Variants in SNTG1 observed in about 807,000 individuals in gnomAD.
The protein encoded by SNTG1 is gamma-1-syntrophin.
SNTG1 carries 39 observed loss-of-function variants against 74.7 expected under a neutral mutation model. The ratio of observed to expected loss-of-function variants is 0.52; its 90% CI spans 0.40 to 0.68. The LOEUF (loss-of-function observed/expected upper bound fraction) is 0.68, where lower values mean the gene tolerates loss of function less well. Among genes scored for constraint, SNTG1 ranks in the 30% least tolerant of loss-of-function variants. SNTG1 has a pLI of 0.00. For synonymous variants in SNTG1, 254 were observed against 217.1 expected (o/e 1.17, Z -1.49); for missense variants, 685 against 609.5 (o/e 1.12, Z -1.30).
chr8:50,454,189 A>G (rs892825305), intron 8 of SNTG1, among the ~76,000 whole-genome samples: 3 of 152,110 alleles, frequency 2.0e-5, no homozygotes, highest in African/African-American at 7.2e-5. Flanking sequence ...TAACAAGTAA[A>G]CTGATCACAT....
chr8:50,452,463 G>C (rs1463550952), intron 8 of SNTG1, among the ~76,000 whole-genome samples: 1 of 152,196 alleles, frequency 6.6e-6, no homozygotes, highest in Non-Finnish European at 1.5e-5. Flanking sequence ...TACCCAGGGA[G>C]TAAAACCAAG....
chr8:50,731,014 T>C (rs2095511628), intron 17 of SNTG1, among the ~76,000 whole-genome samples: 1 of 152,206 alleles, frequency 6.6e-6, no homozygotes, highest in African/African-American at 2.4e-5. Context: ...CAGTAAAATA[T>C]GATCAGGCTC....
intron 4 of SNTG1, among the ~76,000 whole-genome samples, chr8:50,431,400 C>T (rs1410252844): frequency 6.6e-6 from 1 of 152,152 alleles, no homozygotes; most frequent in Non-Finnish European, 1.5e-5. Context: ...TTATTCAATA[C>T]TTCACTGTAT....
At chr8:50,759,242 T>A (rs943635644) in intron 18 of SNTG1, among the ~76,000 whole-genome samples, 1 of 152,102 alleles carries the variant, frequency 6.6e-6, no homozygotes, top group African/African-American at 2.4e-5. Flanking sequence ...GCAAAAATTT[T>A]CCCCCATTCT....
At chr8:49,954,472 T>C (rs1809987063) in intron 1 of SNTG1, among the ~76,000 whole-genome samples, 1 of 152,208 alleles carries the variant, frequency 6.6e-6, no homozygotes, top group African/African-American at 2.4e-5. Context: ...TTTATAAGTC[T>C]TATTCTGTGG....
chr8:50,253,696 T>C (rs1223245193), intron 2 of SNTG1, among the ~76,000 whole-genome samples: 1 of 151,608 alleles, frequency 6.6e-6, no homozygotes, highest in Non-Finnish European at 1.5e-5. Flanking sequence ...CATATATAAA[T>C]ACACATATAT....
rs1041692217 is a variant in SNTG1, at chr8:50,502,038, G to A, written c.364-740G>A. On this transcript the variant is annotated intron_variant, in intron 8 of 18. Coordinates refer to ENST00000642720, the MANE Select transcript of SNTG1 (RefSeq NM_018967.5). ...AAATTTGCACATGGCTTATATTTTTGGATATGATTCTTGGAGAAATTGAAA... is the reference window on the plus strand; with the variant it reads ...AAATTTGCACATGGCTTATATTTTTAGATATGATTCTTGGAGAAATTGAAA... Among the ~76,000 whole-genome samples the A allele has an allele frequency of 4.6e-5, 7 of 151,308 alleles. No individual in the cohort carries two copies. In the East Asian group the frequency reaches 1.2e-3, roughly 25 times the overall value.
chr8:50,213,186 A>G (rs1223921395), intron 2 of SNTG1, among the ~76,000 whole-genome samples: 1 of 152,222 alleles, frequency 6.6e-6, no homozygotes, highest in Non-Finnish European at 1.5e-5. Flanking sequence ...TATTTCTAGA[A>G]GGAAATAAAT....
chr8:50,201,196 A>G (rs996353828), intron 2 of SNTG1, among the ~76,000 whole-genome samples: 3 of 152,194 alleles, frequency 2.0e-5, no homozygotes, highest in African/African-American at 7.2e-5. Context: ...ATTAATAATG[A>G]AGTTTAGAGT....
At chr8:50,181,128 C>G (rs1316776710) in intron 2 of SNTG1, among the ~76,000 whole-genome samples, 1 of 152,144 alleles carries the variant, frequency 6.6e-6, no homozygotes, top group Non-Finnish European at 1.5e-5. Context: ...CTCCTAGTCA[C>G]TTCACACAGC....
rs576902755 is a variant in SNTG1 at position 50,173,721 on chromosome 8, C to T, written c.-28+1086C>T. Among the ~76,000 whole-genome samples, 3 of 152,264 alleles carry T rather than the reference C, an allele frequency of 2.0e-5. No individual in the cohort carries two copies. In the East Asian group the frequency reaches 5.8e-4, roughly 29 times the overall value. On this transcript the variant is annotated intron_variant, in intron 2 of 18. Coordinates refer to ENST00000642720, the MANE Select transcript of SNTG1 (RefSeq NM_018967.5). ...CTACCTATTCTGTTAGACATGGAAGCCACATTGTGCTGTTTCTTGTCATGG... is the reference window on the plus strand; with the variant it reads ...CTACCTATTCTGTTAGACATGGAAGTCACATTGTGCTGTTTCTTGTCATGG...
Position 50,548,636 on chromosome 8 carries a change from G to A in SNTG1, c.681-4414G>A, listed in dbSNP as rs187839027. The stretch of plus-strand genomic sequence containing the variant: ...AAGGAGCTAGCAGCTTGGTAAGATC[G>A]AACAGTATTTAGCGCTACACAAACA... On this transcript the variant is annotated intron_variant, in intron 11 of 18. Transcript: ENST00000642720. Among the ~76,000 whole-genome samples, 952 of 152,010 alleles carry A rather than the reference G, an allele frequency of 6.3e-3. 8 individuals carry two copies. Among genetic ancestry groups the A allele is most frequent in the Non-Finnish European group, 7.7e-3 (522 of 67,996 alleles).
At chr8:50,158,387 A>G (rs1208280029) in intron 1 of SNTG1, among the ~76,000 whole-genome samples, 1 of 152,152 alleles carries the variant, frequency 6.6e-6, no homozygotes, top group Non-Finnish European at 1.5e-5. Context: ...CTTTTTAAGT[A>G]TAGGAAGATG....
intron 2 of SNTG1, among the ~76,000 whole-genome samples, chr8:50,340,237 A>T (rs1360174882): frequency 6.6e-6 from 1 of 152,024 alleles, no homozygotes; most frequent in Non-Finnish European, 1.5e-5. Context: ...TTCCACATGG[A>T]AAGCAAAAGC....
intron 1 of SNTG1, among the ~76,000 whole-genome samples, chr8:50,094,593 A>G (rs1180714197): frequency 6.6e-6 from 1 of 152,194 alleles, no homozygotes; most frequent in African/African-American, 2.4e-5. Context: ...AATGCTCCAC[A>G]TCACTAATCA....
chr8:50,509,509 TATG>T (rs2129889477), intron 9 of SNTG1, among the ~76,000 whole-genome samples: 1 of 152,298 alleles, frequency 6.6e-6, no homozygotes, highest in South Asian at 2.1e-4. Context: ...CCTTGGGCAG[TATG>T]GCCATTTTCA....
intron 2 of SNTG1, among the ~76,000 whole-genome samples, chr8:50,376,842 T>A (rs2092397513): frequency 6.6e-6 from 1 of 151,016 alleles, no homozygotes; most frequent in South Asian, 2.1e-4. Context: ...GCTCTCCTCA[T>A]CTTCACCTTC....
At chr8:50,681,916 C>T (rs933680605) in intron 15 of SNTG1, among the ~76,000 whole-genome samples, 1 of 152,186 alleles carries the variant, frequency 6.6e-6, no homozygotes, top group African/African-American at 2.4e-5. Flanking sequence ...ACACCTCAGT[C>T]AAGAGATGTT....
rs935110181 is a variant in SNTG1, at chr8:50,522,303, G to A, written c.467-7874G>A. Among the ~76,000 whole-genome samples, 10 of 152,094 alleles carry A rather than the reference G, an allele frequency of 6.6e-5. No homozygotes were observed. In the East Asian group the frequency reaches 1.9e-3, roughly 29 times the overall value. ...TGGAAAGGAATGTGTTTTGATGTGT[G>A]TTTCAGGGTGTGTGTGTGTGTTTCT... On this transcript the variant is annotated intron_variant, in intron 9 of 18. Coordinates refer to ENST00000642720, the MANE Select transcript of SNTG1 (RefSeq NM_018967.5).
Sources: gnomAD v4.1 joint callset for allele counts (sites outside exome capture counted in the v4.1 genomes callset) on GRCh38, gnomAD v4.1.1 for gene constraint, MANE v1.5 for transcripts, NCBI Gene and HGNC (gene_info 2026-07-23, HGNC 2026-07-21) for gene names.